Variants in ENOX1 observed in about 807,000 individuals in gnomAD.
ENOX1 encodes the protein candidate growth-related and time keeping constitutive hydroquinone (NADH) oxidase.
In ENOX1, 42 loss-of-function variants were observed where a neutral mutation model predicts 82.5. That is an observed-to-expected ratio of 0.51 (90% CI 0.40 to 0.66). The LOEUF is 0.66. Ranked by LOEUF, ENOX1 falls within the 30% of genes least tolerant of loss-of-function variation. ENOX1 has a pLI of 0.00. For synonymous variants in ENOX1, 271 were observed against 282.2 expected, an observed-to-expected ratio of 0.96 and a Z score of 0.40; for missense variants, 608 against 811.6, an observed-to-expected ratio of 0.75 and a Z score of 3.05.
intron 3 of ENOX1, among the ~76,000 whole-genome samples, chr13:43,479,248 C>T (rs1296612708): frequency 6.6e-6 from 1 of 152,108 alleles, no homozygotes; most frequent in Admixed American, 6.5e-5. Flanking sequence ...TCCCCACAAA[C>T]CGATCCTTGA....
intron 14 of ENOX1, among the ~76,000 whole-genome samples, chr13:43,261,642 T>A (rs1286534615): frequency 6.6e-6 from 1 of 151,366 alleles, no homozygotes; most frequent in East Asian, 1.9e-4. Context: ...ATATACACCA[T>A]GGAATACTAT....
At chr13:43,599,858 T>C (rs1230913182) in intron 2 of ENOX1, among the ~76,000 whole-genome samples, 1 of 151,634 alleles carries the variant, frequency 6.6e-6, no homozygotes, top group Non-Finnish European at 1.5e-5. Context: ...TCAGCCACAG[T>C]AGACAAGGGC....
At chr13:43,460,192 C>T (rs1341884676) in intron 3 of ENOX1, among the ~76,000 whole-genome samples, 1 of 152,150 alleles carries the variant, frequency 6.6e-6, no homozygotes, top group East Asian at 1.9e-4. Flanking sequence ...TTTTGATGTT[C>T]TTTAATTAAT....
At chr13:43,705,401 A>G (rs1594485977) in intron 1 of ENOX1, among the ~76,000 whole-genome samples, 1 of 150,722 alleles carries the variant, frequency 6.6e-6, no homozygotes, top group South Asian at 2.1e-4. Flanking sequence ...TTTAAACTAG[A>G]TAAGAAAGCA....
chr13:43,383,738 A>G (rs2052225378), intron 5 of ENOX1, among the ~76,000 whole-genome samples: 1 of 152,192 alleles, frequency 6.6e-6, no homozygotes, highest in Non-Finnish European at 1.5e-5. Flanking sequence ...ATTACCATCA[A>G]CAGGAATTCT....
chr13:43,278,952 T>C (rs1202995586), intron 12 of ENOX1, among the ~76,000 whole-genome samples: 1 of 152,200 alleles, frequency 6.6e-6, no homozygotes, highest in Non-Finnish European at 1.5e-5. Flanking sequence ...GAAAATAATG[T>C]TGTCTAAATT....
chr13:43,622,401 G>A (rs1422451184), intron 2 of ENOX1, among the ~76,000 whole-genome samples: 1 of 152,196 alleles, frequency 6.6e-6, no homozygotes, highest in East Asian at 1.9e-4. Flanking sequence ...GTCTAGGGCT[G>A]AAGGCCATTG....
chr13:43,341,222 G>T (rs1231421906), intron 9 of ENOX1, among the ~76,000 whole-genome samples: 2 of 151,900 alleles, frequency 1.3e-5, no homozygotes, highest in South Asian at 4.2e-4. Flanking sequence ...ATTTGAACCC[G>T]GAGGCAGAGG....
chr13:43,630,874 CATATAT>C (rs375643872), intron 2 of ENOX1, among the ~76,000 whole-genome samples: 3 of 144,558 alleles, frequency 2.1e-5, no homozygotes, highest in East Asian at 2.1e-4. Context: ...CACACACACA[CATATAT>C]ATACACATAT....
chr13:43,395,910 A>G (rs1419971939), intron 5 of ENOX1, among the ~76,000 whole-genome samples: 2 of 152,224 alleles, frequency 1.3e-5, no homozygotes, highest in African/African-American at 2.4e-5. Context: ...ATATTTCCAC[A>G]AAGTTTCTTT....
chr13:43,426,961 C>G (rs2055344413), intron 3 of ENOX1, among the ~76,000 whole-genome samples: 1 of 152,194 alleles, frequency 6.6e-6, no homozygotes, highest in Admixed American at 6.5e-5. Context: ...CACCTTCATT[C>G]AAATGCACTC....
intron 5 of ENOX1, among the ~76,000 whole-genome samples, chr13:43,384,164 C>T (rs971083191): frequency 7.9e-5 from 12 of 152,144 alleles, no homozygotes; most frequent in Non-Finnish European, 1.6e-4. Flanking sequence ...GACTGAGATG[C>T]TTAGAAAAAT....
intron 2 of ENOX1, among the ~76,000 whole-genome samples, chr13:43,654,446 T>C (rs953977047): frequency 8.5e-5 from 13 of 152,188 alleles, no homozygotes; most frequent in African/African-American, 1.2e-4. Flanking sequence ...ATCTAATGTA[T>C]AGATAGACAG....
chr13:43,429,712 GA>G (rs1299278750), intron 3 of ENOX1, among the ~76,000 whole-genome samples: 3 of 152,156 alleles, frequency 2.0e-5, no homozygotes, highest in African/African-American at 7.2e-5. Flanking sequence ...AAGGAAAAGA[GA>G]AAACATGAAT....
At chr13:43,296,336 G>A (rs777434174) in intron 12 of ENOX1, among the ~76,000 whole-genome samples, 1 of 152,136 alleles carries the variant, frequency 6.6e-6, no homozygotes, top group Non-Finnish European at 1.5e-5. Context: ...ACACACACAC[G>A]GAGAATGACA....
chr13:43,685,160 C>T (rs2086000247), intron 1 of ENOX1, among the ~76,000 whole-genome samples: 1 of 152,142 alleles, frequency 6.6e-6, no homozygotes, highest in Non-Finnish European at 1.5e-5. Flanking sequence ...CAAGTTCACC[C>T]GGACGACACT....
chr13:43,303,583 G>A (rs995961959), intron 11 of ENOX1, among the ~76,000 whole-genome samples: 9 of 152,168 alleles, frequency 5.9e-5, no homozygotes, highest in Non-Finnish European at 1.0e-4. Context: ...CCTGCTGCTG[G>A]AATAGGCTTG....
At chr13:43,488,273 AAAAG>A (rs1215783165) in intron 2 of ENOX1, among the ~76,000 whole-genome samples, 1 of 152,174 alleles carries the variant, frequency 6.6e-6, no homozygotes, top group Non-Finnish European at 1.5e-5. Flanking sequence ...AGGCCCTTAT[AAAAG>A]AGTCTTCACA....
chr13:43,713,362 G>A (rs1439393227), intron 1 of ENOX1, among the ~76,000 whole-genome samples: 36 of 152,254 alleles, frequency 2.4e-4, no homozygotes, highest in Admixed American at 3.3e-4. Flanking sequence ...AAGGATATTC[G>A]TCTAAAATTC....
Sources: allele counts gnomAD v4.1 joint callset (sites outside exome capture counted in the v4.1 genomes callset), GRCh38; gene constraint gnomAD v4.1.1; transcripts MANE v1.5; gene names NCBI Gene and HGNC (gene_info 2026-07-23, HGNC 2026-07-21).